Variants in CSMD1 observed in about 807,000 individuals in gnomAD.
CSMD1 encodes CUB and Sushi multiple domains 1.
A neutral mutation model predicts 417.5 loss-of-function variants in CSMD1; 213 were observed. That is an observed-to-expected ratio of 0.51 (90% confidence interval 0.46 to 0.57). CSMD1 has a LOEUF of 0.57. Among genes scored for constraint, CSMD1 ranks in the 20% least tolerant of loss-of-function variants. The pLI is 0.00. For synonymous variants in CSMD1, 2,862 were observed against 1,736.8 expected, an observed-to-expected ratio of 1.65 and a Z score of -16.11; for missense variants, 6,923 against 4,529.7, an observed-to-expected ratio of 1.53 and a Z score of -15.17.
chr8:3,482,441 T>C (rs2117249484), intron 11 of CSMD1, among the ~76,000 whole-genome samples: 1 of 152,142 alleles, frequency 6.6e-6, no homozygotes, highest in Non-Finnish European at 1.5e-5. Context: ...CACCACAAAA[T>C]AATAAAAGGA....
At chr8:3,302,321 A>G (rs1804477278) in intron 25 of CSMD1, among the ~76,000 whole-genome samples, 1 of 152,086 alleles carries the variant, frequency 6.6e-6, no homozygotes, top group Non-Finnish European at 1.5e-5. Flanking sequence ...CTTCTGGAAT[A>G]TCTCCATCGT....
intron 1 of CSMD1, among the ~76,000 whole-genome samples, chr8:4,681,295 G>A (rs1014864164): frequency 7.2e-5 from 11 of 152,150 alleles, no homozygotes; most frequent in East Asian, 1.9e-4. Context: ...ACTTTGTATC[G>A]TTACATTTGA....
intron 3 of CSMD1, among the ~76,000 whole-genome samples, chr8:4,144,196 G>A (rs1162117976): frequency 1.3e-5 from 2 of 150,884 alleles, no homozygotes; most frequent in Admixed American, 1.3e-4. Flanking sequence ...TAGACCTCCT[G>A]CCCCTAGATC....
At chr8:4,302,242 T>C (rs574343045) in intron 3 of CSMD1, among the ~76,000 whole-genome samples, 1 of 152,336 alleles carries the variant, frequency 6.6e-6, no homozygotes, top group Non-Finnish European at 1.5e-5. Context: ...AAGAAAAATG[T>C]AGTGTTTTAG....
At chr8:3,971,400 T>A (rs547336996) in intron 5 of CSMD1, among the ~76,000 whole-genome samples, 9 of 152,174 alleles carry the variant, frequency 5.9e-5, no homozygotes, top group South Asian at 2.1e-4. Context: ...TAAGTTTTTA[T>A]AAAATGTTTT....
intron 1 of CSMD1, among the ~76,000 whole-genome samples, chr8:4,869,335 A>G (rs1443973364): frequency 6.6e-6 from 1 of 151,946 alleles, no homozygotes; most frequent in Admixed American, 6.6e-5. Flanking sequence ...CTGTAGGGAA[A>G]CTGGATCTCT....
chr8:4,744,067 G>A (rs1810797335), intron 1 of CSMD1, among the ~76,000 whole-genome samples: 1 of 152,204 alleles, frequency 6.6e-6, no homozygotes, highest in South Asian at 2.1e-4. Context: ...CGGCTTTGAT[G>A]ATGATTCAAT....
chr8:3,782,689 C>G (rs142243907), intron 5 of CSMD1, among the ~76,000 whole-genome samples: 33 of 152,244 alleles, frequency 2.2e-4, no homozygotes, highest in African/African-American at 7.5e-4. Flanking sequence ...TGTTTGAGAA[C>G]AAGCTAATAG....
intron 2 of CSMD1, among the ~76,000 whole-genome samples, chr8:4,587,991 C>T (rs923963891): frequency 6.6e-6 from 1 of 152,122 alleles, no homozygotes; most frequent in African/African-American, 2.4e-5. Context: ...AGCTACTTTC[C>T]TGAATCGTGA....
intron 1 of CSMD1, among the ~76,000 whole-genome samples, chr8:4,949,455 A>G (rs1808589603): frequency 6.6e-6 from 1 of 152,226 alleles, no homozygotes; most frequent in Admixed American, 6.5e-5. Context: ...ATAGAAAAAT[A>G]TTCAACCACT....
intron 1 of CSMD1, among the ~76,000 whole-genome samples, chr8:4,902,191 C>G (rs1269116792): frequency 6.6e-6 from 1 of 151,984 alleles, no homozygotes; most frequent in Non-Finnish European, 1.5e-5. Context: ...GGAAGGATCA[C>G]TTGAAGCCAA....
At chr8:4,369,869 G>A (rs1292666597) in intron 3 of CSMD1, among the ~76,000 whole-genome samples, 1 of 152,102 alleles carries the variant, frequency 6.6e-6, no homozygotes, top group Admixed American at 6.6e-5. Flanking sequence ...AGAGAGTTGG[G>A]TCTTGCTTCT....
At chr8:3,446,375 A>C (rs900250271) in intron 12 of CSMD1, among the ~76,000 whole-genome samples, 1 of 152,244 alleles carries the variant, frequency 6.6e-6, no homozygotes, top group African/African-American at 2.4e-5. Context: ...ACAAATGTAA[A>C]TATGGCTTTC....
At chr8:2,993,304 T>C (rs1806565478) in intron 54 of CSMD1, among the ~76,000 whole-genome samples, 1 of 152,146 alleles carries the variant, frequency 6.6e-6, no homozygotes. Flanking sequence ...CCTGTCTGGG[T>C]TTTCTAAATC....
chr8:4,966,224 A>G (rs1295520166), intron 1 of CSMD1, among the ~76,000 whole-genome samples: 1 of 150,868 alleles, frequency 6.6e-6, no homozygotes, highest in Non-Finnish European at 1.5e-5. Context: ...AAAAAAAAAA[A>G]AAAAATTAGC....
chr8:4,431,684 A>T (rs1797880435), intron 2 of CSMD1, among the ~76,000 whole-genome samples: 1 of 152,212 alleles, frequency 6.6e-6, no homozygotes, highest in Non-Finnish European at 1.5e-5. Flanking sequence ...GAATGAAACA[A>T]AAGAATCCTA....
chr8:4,506,115 A>T (rs1802512857), intron 2 of CSMD1, among the ~76,000 whole-genome samples: 1 of 152,214 alleles, frequency 6.6e-6, no homozygotes, highest in Admixed American at 6.5e-5. Flanking sequence ...TCTTTCTAGG[A>T]GTTGCCAACA....
chr8:3,961,951 C>A (rs1305094173), intron 5 of CSMD1, among the ~76,000 whole-genome samples: 2 of 152,192 alleles, frequency 1.3e-5, no homozygotes, highest in Non-Finnish European at 2.9e-5. Context: ...TCAAATACCA[C>A]ATATTGAAAG....
At chr8:4,425,097 T>A (rs1797470346) in intron 2 of CSMD1, among the ~76,000 whole-genome samples, 1 of 152,098 alleles carries the variant, frequency 6.6e-6, no homozygotes, top group Admixed American at 6.6e-5. Context: ...TATATTCGCC[T>A]AAGTTAGGTA....
Sources: allele counts gnomAD v4.1 joint callset (sites outside exome capture counted in the v4.1 genomes callset), GRCh38; gene constraint gnomAD v4.1.1; transcripts MANE v1.5; gene names NCBI Gene and HGNC (gene_info 2026-07-23, HGNC 2026-07-21).